KYNU: variants seen among roughly 807,000 people sequenced by gnomAD.
The protein encoded by KYNU is kynureninase.
A neutral mutation model predicts 59.2 loss-of-function variants in KYNU; 54 were observed. The ratio of observed to expected loss-of-function variants is 0.91; its 90% CI spans 0.73 to 1.14. The LOEUF (loss-of-function observed/expected upper bound fraction) is 1.14, where lower values mean the gene tolerates loss of function less well. KYNU is among the 50% of genes most tolerant of loss of function. The pLI is 0.00. For missense variants in KYNU, 567 were observed against 554.4 expected (o/e 1.02, Z -0.23); for synonymous variants, 177 against 192.0 (o/e 0.92, Z 0.65).
At chr2:142,935,114 C>A (rs539133271) in intron 4 of KYNU, among the ~76,000 whole-genome samples, 1 of 152,126 alleles carries the variant, frequency 6.6e-6, no homozygotes, top group Non-Finnish European at 1.5e-5. Flanking sequence ...GTTTGAGGGC[C>A]GTCATCAAGC....
intron 10 of KYNU, among the ~76,000 whole-genome samples, chr2:143,015,152 A>G (rs979405111): frequency 1.3e-5 from 2 of 152,252 alleles, no homozygotes; most frequent in African/African-American, 2.4e-5. Context: ...TGGCCTCTCA[A>G]TTGATGATAA....
Position 143,042,591 on chromosome 2 carries a change from TA to T in KYNU, c.*420del, listed in dbSNP as rs1687086921. On this transcript the variant is annotated 3_prime_UTR_variant, in exon 14 of 14. Coordinates refer to ENST00000264170, the MANE Select transcript of KYNU (RefSeq NM_003937.3). ...TTGAAGCATTGTAGTCTGATATATA[TA>T]TATATATATATATATATATATATAT... 1 of 1,062 alleles carries T rather than the reference TA, an allele frequency of 9.4e-4. No individual in the cohort carries two copies. The highest frequency in any genetic ancestry group is 8.6e-3 in the Admixed American group (1 of 116). 0.1% of individuals were successfully genotyped at this position (1,062 alleles called of 1,614,324 possible). A position where few individuals can be genotyped will look rare whatever the true frequency, so the allele number is the denominator to read the frequency against.
chr2:142,915,983 A>G (rs1020579675), intron 2 of KYNU, among the ~76,000 whole-genome samples: 1 of 152,094 alleles, frequency 6.6e-6, no homozygotes, highest in Non-Finnish European at 1.5e-5. Context: ...ATACTGGGAG[A>G]AGGCCAAACA....
At chr2:142,970,780 A>G (rs1198009038) in intron 8 of KYNU, among the ~76,000 whole-genome samples, 1 of 152,178 alleles carries the variant, frequency 6.6e-6, no homozygotes, top group Non-Finnish European at 1.5e-5. Context: ...ATGATTTTGC[A>G]TATGCTGAAT....
chr2:142,972,889 C>T (rs1324844509), intron 8 of KYNU, among the ~76,000 whole-genome samples: 1 of 145,878 alleles, frequency 6.9e-6, no homozygotes, highest in Non-Finnish European at 1.5e-5. Flanking sequence ...TATGAATTTG[C>T]CATACATAGC....
intron 8 of KYNU, among the ~76,000 whole-genome samples, chr2:142,977,636 G>T (rs2105140977): frequency 6.6e-6 from 1 of 151,910 alleles, no homozygotes; most frequent in South Asian, 2.1e-4. Flanking sequence ...TATTCTCATT[G>T]AACTATACTA....
At chr2:142,992,532 C>G (rs1685428010) in intron 10 of KYNU, among the ~76,000 whole-genome samples, 1 of 151,664 alleles carries the variant, frequency 6.6e-6, no homozygotes, top group Non-Finnish European at 1.5e-5. Flanking sequence ...AACCTTCTGC[C>G]ATTGACTTTA....
At chr2:142,941,521 AT>A (rs771640287) in intron 4 of KYNU, among the ~76,000 whole-genome samples, 1 of 152,234 alleles carries the variant, frequency 6.6e-6, no homozygotes, top group Non-Finnish European at 1.5e-5. Context: ...CGTAAAGAAA[AT>A]ATTTATAACT....
intron 4 of KYNU, among the ~76,000 whole-genome samples, chr2:142,935,557 G>T (rs1204027889): frequency 2.0e-5 from 3 of 152,196 alleles, no homozygotes; most frequent in Non-Finnish European, 2.9e-5. Context: ...GTCATGCCAG[G>T]TTAGTTTATA....
At chr2:143,040,782 AT>A in intron 13 of KYNU, 124 bp downstream of exon 13, 1 of 648,394 alleles carries the variant, frequency 1.5e-6, no homozygotes, top group Non-Finnish European at 2.7e-6. Flanking sequence ...TTAAGGATAA[AT>A]TAAGTGCCAA....
At position 142,927,285 on chromosome 2, in the gene KYNU, C is replaced by T. The variant is rs781424618; in HGVS notation, c.291-374C>T. Among the ~76,000 whole-genome samples the T allele has an allele frequency of 2.6e-5, 4 of 152,120 alleles. No individual in the cohort carries two copies. In the South Asian group the frequency reaches 8.3e-4, roughly 32 times the overall value. On this transcript the variant is annotated intron_variant, in intron 3 of 13. Coordinates refer to ENST00000264170, the MANE Select transcript of KYNU (RefSeq NM_003937.3). ...ATAATCATTTTAGTCTCTAGCCTTACAAAATAGTATGGAAGTTTTAGTATA... is the reference window on the plus strand; with the variant it reads ...ATAATCATTTTAGTCTCTAGCCTTATAAAATAGTATGGAAGTTTTAGTATA...
At chr2:142,922,553 A>G (rs1052387919) in intron 3 of KYNU, among the ~76,000 whole-genome samples, 2 of 152,162 alleles carry the variant, frequency 1.3e-5, no homozygotes, top group Non-Finnish European at 2.9e-5. Context: ...GAGTGCTTCA[A>G]CAAAGCAAGA....
intron 4 of KYNU, among the ~76,000 whole-genome samples, chr2:142,942,221 T>A (rs1167815159): frequency 6.6e-6 from 1 of 151,994 alleles, no homozygotes; most frequent in African/African-American, 2.4e-5. Flanking sequence ...ATAGACTCTT[T>A]TAGAATGTGT....
chr2:143,018,416 GT>G (rs1342763299), intron 10 of KYNU, among the ~76,000 whole-genome samples: 3 of 152,082 alleles, frequency 2.0e-5, no homozygotes, highest in African/African-American at 7.2e-5. Flanking sequence ...CCGATTGCTT[GT>G]TTTGTCTACT....
At chr2:143,039,691 T>C (rs1267117600) in intron 12 of KYNU, among the ~76,000 whole-genome samples, 2 of 151,992 alleles carry the variant, frequency 1.3e-5, no homozygotes, top group Non-Finnish European at 2.9e-5. Context: ...GTTTTACAGG[T>C]GTAAGTGTGC....
chr2:143,036,077 A>G, intron 12 of KYNU, among the ~76,000 whole-genome samples: 1 of 152,050 alleles, frequency 6.6e-6, no homozygotes, highest in East Asian at 1.9e-4. Context: ...AAATTTTTTT[A>G]GAGATGAGGT....
rs568563712 is a variant in KYNU, at chr2:143,044,340, G to A, written c.*2168G>A. ...TAGTAGAATGATTTATAATCCTTAG[G>A]GTATACCCAGTAATGGGATTGCTGG... On this transcript the variant is annotated 3_prime_UTR_variant, in exon 14 of 14. Transcript: ENST00000264170. The A allele has an allele frequency of 2.0e-5, 3 of 151,992 alleles. No homozygotes were observed. The South Asian group carries it at 6.2e-4, about 32-fold the overall frequency. 9.4% of individuals were successfully genotyped at this position (151,992 alleles called of 1,614,324 possible). A position where few individuals can be genotyped will look rare whatever the true frequency, so the allele number is the denominator to read the frequency against.
intron 8 of KYNU, 65 bp downstream of exon 8, chr2:142,960,835 T>C (rs1684319837): frequency 1.4e-6 from 2 of 1,457,818 alleles, no homozygotes; most frequent in South Asian, 1.1e-5. Context: ...AGTGTTCTAA[T>C]TGCATGACTT....
At chr2:142,948,982 T>C (rs534436937) in intron 4 of KYNU, among the ~76,000 whole-genome samples, 93 of 152,304 alleles carry the variant, frequency 6.1e-4, no homozygotes, top group South Asian at 1.7e-3. Context: ...ACTGGGTAAA[T>C]ACAGCTGTTC....
Sources: allele counts gnomAD v4.1 joint callset (sites outside exome capture counted in the v4.1 genomes callset), GRCh38; gene constraint gnomAD v4.1.1; transcripts MANE v1.5; gene names NCBI Gene and HGNC (gene_info 2026-07-23, HGNC 2026-07-21).